Variants in NOL4L observed in about 807,000 individuals in gnomAD.
NOL4L encodes nucleolar protein 4 like.
Under a neutral mutation model 64.5 loss-of-function variants are expected in NOL4L, and 7 were observed. That is an observed-to-expected ratio of 0.11 (90% CI 0.06 to 0.20). The LOEUF is 0.20. NOL4L is among the 10% of genes least tolerant of loss of function. The pLI, the probability that NOL4L is intolerant of heterozygous loss-of-function variation, is 1.00. For synonymous variants in NOL4L, 413 were observed against 401.0 expected (o/e 1.03, Z -0.36); for missense variants, 680 against 967.1 (o/e 0.70, Z 3.94).
intron 1 of NOL4L, among the ~76,000 whole-genome samples, chr20:32,544,320 A>C: frequency 1.4e-5 from 2 of 139,484 alleles, no homozygotes; most frequent in East Asian, 2.1e-4. Context: ...GGAGAAAGGA[A>C]GGGGGAAGGG....
intron 4 of NOL4L, among the ~76,000 whole-genome samples, chr20:32,495,986 C>T (rs554850411): frequency 1.8e-4 from 28 of 152,290 alleles, no homozygotes; most frequent in African/African-American, 6.7e-4. Flanking sequence ...AGTCGCTGGA[C>T]TCCCTCTCAG....
At chr20:32,482,209 T>C (rs1227448753) in intron 4 of NOL4L, among the ~76,000 whole-genome samples, 2 of 152,122 alleles carry the variant, frequency 1.3e-5, no homozygotes, top group Non-Finnish European at 2.9e-5. Flanking sequence ...GGCTTCTCCA[T>C]TGATCTGAGC....
chr20:32,559,519 C>T (rs1018002758), intron 1 of NOL4L, among the ~76,000 whole-genome samples: 13 of 152,310 alleles, frequency 8.5e-5, no homozygotes, highest in South Asian at 4.1e-4. Context: ...TCTTTGTTCC[C>T]GGCACTGCTC....
chr20:32,465,772 C>T (rs946715999), intron 5 of NOL4L, among the ~76,000 whole-genome samples: 21 of 152,216 alleles, frequency 1.4e-4, no homozygotes, highest in Non-Finnish European at 2.8e-4. Flanking sequence ...GGAGTGATGA[C>T]GCCAACGCGG....
At chr20:32,501,530 G>C (rs2016920598) in intron 4 of NOL4L, among the ~76,000 whole-genome samples, 1 of 152,204 alleles carries the variant, frequency 6.6e-6, no homozygotes, top group Non-Finnish European at 1.5e-5. Flanking sequence ...TAATGTATCA[G>C]TGTGGTTCAT....
At position 32,443,975 on chromosome 20, in the gene NOL4L, T is replaced by C. The variant is rs1260282197; in HGVS notation, c.*3621A>G. The C allele has an allele frequency of 6.6e-6, 1 of 152,222 alleles. No individual in the cohort carries two copies. Among genetic ancestry groups the C allele is most frequent in the East Asian group, 1.9e-4 (1 of 5,200 alleles). The allele number at this position is 152,222 out of a possible 1,614,324, so 9.4% of individuals were successfully genotyped here. A position where few individuals can be genotyped will look rare whatever the true frequency, so the allele number is the denominator to read the frequency against. ...CAGCCAATCTGAGTTCTACGTGGTA[T>C]AGGTTTTTTGTTGTATTTTTAGGTG... On this transcript the variant is annotated 3_prime_UTR_variant, in exon 11 of 11. Transcript: ENST00000621426.
intron 4 of NOL4L, among the ~76,000 whole-genome samples, chr20:32,493,340 C>T (rs1047368118): frequency 5.3e-5 from 8 of 152,054 alleles, no homozygotes; most frequent in African/African-American, 9.7e-5. Flanking sequence ...CCCACAGCTC[C>T]GGTGTGGATG....
intron 4 of NOL4L, among the ~76,000 whole-genome samples, chr20:32,506,538 G>A (rs1260303136): frequency 6.6e-6 from 1 of 152,124 alleles, no homozygotes; most frequent in African/African-American, 2.4e-5. Flanking sequence ...GTGCGTGCCT[G>A]TAATCTCAGC....
rs929511260 is a variant in NOL4L, at chr20:32,460,930, C to T, written c.842-4535G>A. On this transcript the variant is annotated intron_variant, in intron 5 of 10. Coordinates refer to ENST00000621426, the MANE Select transcript of NOL4L (RefSeq NM_001256798.2). The surrounding 1 kb of genome is among the most constrained non-coding windows in gnomAD (Gnocchi z 5.7). ...CCCTACTCTCGGCGACTCCTGCTCG[C>T]CCTTCTGTGCTAACCCGAGCACCAC... Among the ~76,000 whole-genome samples the T allele has an allele frequency of 1.1e-4, 16 of 152,234 alleles. No individual in the cohort carries two copies. The highest frequency in any genetic ancestry group is 4.6e-4 in the Admixed American group (7 of 15,288).
At chr20:32,497,593 C>T (rs1464373735) in intron 4 of NOL4L, among the ~76,000 whole-genome samples, 1 of 152,188 alleles carries the variant, frequency 6.6e-6, no homozygotes, top group Non-Finnish European at 1.5e-5. Context: ...CAAAACGGAA[C>T]GGGACTTAGC....
chr20:32,475,923 C>T (rs1600707509), intron 4 of NOL4L, among the ~76,000 whole-genome samples: 2 of 152,310 alleles, frequency 1.3e-5, no homozygotes, highest in African/African-American at 4.8e-5. Flanking sequence ...ACCGGCTGGG[C>T]TGGTAGGGAG....
At position 32,443,446 on chromosome 20, in the gene NOL4L, T is replaced by C. The variant is rs1417844919; in HGVS notation, c.*4150A>G. 6.6e-6 allele frequency: 1 copy of C among 152,236 alleles called. No homozygotes were observed. Among genetic ancestry groups the C allele is most frequent in the Non-Finnish European group, 1.5e-5 (1 of 68,040 alleles). 9.4% of individuals were successfully genotyped at this position (152,236 alleles called of 1,614,324 possible). ...GCATAGGTGCATATCTGTAAAAATATAATTTAGAGGTGAAGCCATTAATAG... is the reference window on the plus strand; with the variant it reads ...GCATAGGTGCATATCTGTAAAAATACAATTTAGAGGTGAAGCCATTAATAG... On this transcript the variant is annotated 3_prime_UTR_variant, in exon 11 of 11. Coordinates refer to ENST00000621426, the MANE Select transcript of NOL4L (RefSeq NM_001256798.2).
intron 1 of NOL4L, among the ~76,000 whole-genome samples, chr20:32,584,106 C>G (rs1384587324): frequency 6.4e-5 from 9 of 140,400 alleles, no homozygotes; most frequent in African/African-American, 2.1e-4. Flanking sequence ...CCCCCCCCCC[C>G]ACCCCGCGGC....
intron 4 of NOL4L, among the ~76,000 whole-genome samples, chr20:32,484,284 A>G (rs2145501786): frequency 6.6e-6 from 1 of 150,706 alleles, no homozygotes; most frequent in African/African-American, 2.4e-5. Context: ...TGGGAAAGCC[A>G]GGCACGTGGC....
At chr20:32,506,636 G>A (rs1392887841) in intron 4 of NOL4L, among the ~76,000 whole-genome samples, 2 of 152,094 alleles carry the variant, frequency 1.3e-5, no homozygotes, top group Non-Finnish European at 2.9e-5. Flanking sequence ...ACTCCAGCCT[G>A]GGCAACAAGA....
At chr20:32,573,308 T>C (rs1007388507) in intron 1 of NOL4L, among the ~76,000 whole-genome samples, 2 of 152,174 alleles carry the variant, frequency 1.3e-5, no homozygotes, top group African/African-American at 4.8e-5. Context: ...TGAAATACTG[T>C]GCCTGGCCTG....
At chr20:32,477,581 T>C (rs1270083792) in intron 4 of NOL4L, among the ~76,000 whole-genome samples, 2 of 152,246 alleles carry the variant, frequency 1.3e-5, no homozygotes, top group African/African-American at 4.8e-5. Context: ...ATCAACTGAA[T>C]TGCCTGGCAT....
At chr20:32,577,977 T>C (rs1462830215) in intron 1 of NOL4L, among the ~76,000 whole-genome samples, 1 of 152,032 alleles carries the variant, frequency 6.6e-6, no homozygotes, top group East Asian at 1.9e-4. Flanking sequence ...CCTACGTGCA[T>C]GAAAGCATTA....
At chr20:32,528,150 A>C (rs1471761175) in intron 1 of NOL4L, among the ~76,000 whole-genome samples, 51 of 152,178 alleles carry the variant, frequency 3.4e-4, no homozygotes, top group Admixed American at 2.9e-3. Flanking sequence ...CGAAAATACA[A>C]ATTAAAAAAC....
Sources: gnomAD v4.1 joint callset for allele counts (sites outside exome capture counted in the v4.1 genomes callset) on GRCh38, gnomAD v4.1.1 for gene constraint, Gnocchi (gnomAD v3.1) non-coding constraint, MANE v1.5 for transcripts, NCBI Gene and HGNC (gene_info 2026-07-23, HGNC 2026-07-21) for gene names.